CFAP298: variants seen among roughly 807,000 people sequenced by gnomAD.
CFAP298 encodes cilia and flagella associated protein 298.
A neutral mutation model predicts 41.0 loss-of-function variants in CFAP298; 38 were observed. The observed-to-expected ratio is 0.93, with a 90% CI of 0.72 to 1.22. CFAP298 has a LOEUF of 1.22. CFAP298 is among the 50% of genes most tolerant of loss of function. The pLI, the probability that CFAP298 is intolerant of heterozygous loss-of-function variation, is 0.00. For missense variants in CFAP298, 348 were observed against 360.3 expected, an observed-to-expected ratio of 0.97 and a Z score of 0.28; for synonymous variants, 137 against 135.3, an observed-to-expected ratio of 1.01 and a Z score of -0.09.
chr21:32,599,834 T>C lies in CFAP298; in HGVS notation c.*2029A>G, dbSNP rs2038707239. Among the ~76,000 whole-genome samples the C allele has an allele frequency of 6.6e-6, 1 of 152,208 alleles. No homozygotes were observed. Among genetic ancestry groups the C allele is most frequent in the Admixed American group, 6.5e-5 (1 of 15,278 alleles). On this transcript the variant is annotated 3_prime_UTR_variant, in exon 7 of 7. Transcript: ENST00000290155. The stretch of plus-strand genomic sequence containing the variant: ...AAACACACCAAGCTCAGAGAGGCTT[T>C]TGAGGCAGACAAGGGCAGGGAGAGA...
chr21:32,603,327 T>C, intron 4 of CFAP298, 35 bp from the exon 5 acceptor site: 1 of 1,611,614 alleles, frequency 6.2e-7, no homozygotes, highest in Non-Finnish European at 8.5e-7. Context: ...TGACTGTGTG[T>C]TCCCACCCAG....
chr21:32,612,309 G>A lies in CFAP298; in HGVS notation c.-66C>T, dbSNP rs2039022315. 4.8e-6 allele frequency: 7 copies of A among 1,472,400 alleles called. No homozygotes were observed. In the East Asian group the frequency reaches 1.0e-4, roughly 22 times the overall value. 91.2% of individuals were successfully genotyped at this position (1,472,400 alleles called of 1,614,324 possible). ...GCTGCGTGGCCCGCGGGTCCTGCCG[G>A]CCGAGGGTCGCCGGATCGCCAGCAG... On this transcript the variant is annotated 5_prime_UTR_variant, in exon 1 of 7. Transcript: ENST00000290155.
Position 32,604,237 on chromosome 21 carries a change from T to G in CFAP298, c.422A>C (p.Asp141Ala). The G allele has an allele frequency of 1.2e-6, 2 of 1,614,112 alleles. No individual in the cohort carries two copies. The highest frequency in any genetic ancestry group is 1.7e-6 in the Non-Finnish European group (2 of 1,180,014). The change falls in exon 4 of 7, where the codon GAT (aspartate) becomes GCT (alanine). Residue 141 changes from aspartate to alanine, a missense_variant. Coordinates refer to ENST00000290155, the MANE Select transcript of CFAP298 (RefSeq NM_021254.4). ...GVCVTMEMVKDALDQLRGAVM... is the reference protein window; with the variant it reads ...GVCVTMEMVKAALDQLRGAVM... ...CGCGCCTCGAAGCTGGTCCAAGGCATCTTTCACCATCTCCATGGTAACACA... is the reference window on the plus strand; with the variant it reads ...CGCGCCTCGAAGCTGGTCCAAGGCAGCTTTCACCATCTCCATGGTAACACA...
intron 2 of CFAP298, 23 bp downstream of exon 2, chr21:32,609,815 A>G (rs772349902): frequency 6.2e-7 from 1 of 1,606,130 alleles, no homozygotes; most frequent in South Asian, 1.1e-5. Context: ...AAGCATGCAC[A>G]TAGAAGAGAA....
intron 1 of CFAP298, 62 bp downstream of exon 1, chr21:32,612,041 CCT>C: frequency 6.8e-7 from 1 of 1,467,396 alleles, no homozygotes; most frequent in Non-Finnish European, 9.0e-7. Flanking sequence ...CCACCCTGCC[CCT>C]CTTTCTCCAT....
chr21:32,607,611 ACCCAACAAGTTTTAGTGCATCATTT>A lies in CFAP298; in HGVS notation c.375+13_375+37del. 7.8e-7 allele frequency: 1 copy of A among 1,285,444 alleles called. No homozygotes were observed. The allele number at this position is 1,285,444 out of a possible 1,614,324, so 79.6% of individuals were successfully genotyped here. A position where few individuals can be genotyped will look rare whatever the true frequency, so the allele number is the denominator to read the frequency against. On this transcript the variant is annotated intron_variant, in intron 3 of 6. Coordinates refer to ENST00000290155, the MANE Select transcript of CFAP298 (RefSeq NM_021254.4). ...TCCATCTCCAAAAAAAAAAAAAAAA[ACCCAACAAGTTTTAGTGCATCATTT>A]AAAAAAGCCAACCTTAGATATTATT...
Position 32,602,298 on chromosome 21 carries a change from A to T in CFAP298, c.736T>A (p.Tyr246Asn). ...TTGAGCTCCTCTTGTCTTCTGTGAT[A>T]GTACAGCATCAGCTGCTTCTGCTCC... ...SEEQKQLMLY[Y>N]HRRQEELKRL... The change falls in exon 6 of 7, where the codon TAT becomes AAT. Residue 246 changes from tyrosine to asparagine, a missense_variant. Transcript: ENST00000290155. The T allele has an allele frequency of 6.2e-7, 1 of 1,614,096 alleles. No homozygotes were observed. The highest frequency in any genetic ancestry group is 8.5e-7 in the Non-Finnish European group (1 of 1,180,036).
Position 32,612,303 on chromosome 21 carries a change from C to T in CFAP298, c.-60G>A. 1 of 1,496,798 alleles carries T rather than the reference C, an allele frequency of 6.7e-7. No individual in the cohort carries two copies. Among genetic ancestry groups the T allele is most frequent in the Non-Finnish European group, 8.9e-7 (1 of 1,122,798 alleles). 92.7% of individuals were successfully genotyped at this position (1,496,798 alleles called of 1,614,324 possible). A position where few individuals can be genotyped will look rare whatever the true frequency, so the allele number is the denominator to read the frequency against. ...GCCCCGGCTGCGTGGCCCGCGGGTCCTGCCGGCCGAGGGTCGCCGGATCGC... is the reference window on the plus strand; with the variant it reads ...GCCCCGGCTGCGTGGCCCGCGGGTCTTGCCGGCCGAGGGTCGCCGGATCGC... On this transcript the variant is annotated 5_prime_UTR_variant, in exon 1 of 7. Transcript: ENST00000290155.
Position 32,603,255 on chromosome 21 carries a change from A to T in CFAP298, c.572T>A (p.Leu191Gln). 1 of 1,613,926 alleles carries T rather than the reference A, an allele frequency of 6.2e-7. No individual in the cohort carries two copies. Among genetic ancestry groups the T allele is most frequent in the Non-Finnish European group, 8.5e-7 (1 of 1,179,818 alleles). Residue 191 changes from leucine to glutamine, a missense_variant, in exon 5 of 7, where the codon CTG becomes CAG. By Grantham distance (113) the Leu-to-Gln change is moderately radical. Coordinates refer to ENST00000290155, the MANE Select transcript of CFAP298 (RefSeq NM_021254.4). ...LNVIKEAEAQLWWAAKELRRT... is the reference protein window; with the variant it reads ...LNVIKEAEAQQWWAAKELRRT... The stretch of plus-strand genomic sequence containing the variant: ...TCTCAGCTCCTTGGCTGCCCACCAC[A>T]GCTGCGCCTCTGCCTCTTTAATGAC...
chr21:32,610,174 G>C (rs926318349), intron 1 of CFAP298, among the ~76,000 whole-genome samples, 169 bp from the exon 2 acceptor site: 1 of 151,642 alleles, frequency 6.6e-6, no homozygotes, highest in African/African-American at 2.4e-5. Context: ...TGACACGGGG[G>C]CATGGTACTG....
Position 32,609,940 on chromosome 21 carries a change from G to C in CFAP298, c.205C>G (p.Gln69Glu). The C allele has an allele frequency of 6.2e-7, 1 of 1,613,892 alleles. No individual in the cohort carries two copies. Among genetic ancestry groups the C allele is most frequent in the Non-Finnish European group, 8.5e-7 (1 of 1,179,840 alleles). Residue 69 changes from glutamine (Q) to glutamate (E), a missense_variant, in exon 2 of 7, where the codon CAG becomes GAG. Transcript: ENST00000290155. ...PPNMQGLTDD[Q>E]IEELKLKDEW... ...TCCTTCAATTTCAATTCTTCAATCT[G>C]ATCATCGGTCAGTCCTTGCATATTA...
intron 3 of CFAP298, among the ~76,000 whole-genome samples, chr21:32,605,922 G>A (rs1006376108): frequency 6.6e-6 from 1 of 152,184 alleles, no homozygotes; most frequent in Non-Finnish European, 1.5e-5. Flanking sequence ...AATGCAAAAG[G>A]CTACAGGAGA....
At chr21:32,604,556 G>C (rs2038825415) in intron 3 of CFAP298, 1 of 410,554 alleles carries the variant, frequency 2.4e-6, no homozygotes, top group Non-Finnish European at 4.5e-6. Context: ...TGGCAGCACA[G>C]ATGGCAGTGA....
At chr21:32,608,514 G>A (rs1325870950) in intron 2 of CFAP298, among the ~76,000 whole-genome samples, 2 of 151,772 alleles carry the variant, frequency 1.3e-5, no homozygotes, top group Admixed American at 6.6e-5. Context: ...AAAATTAGCC[G>A]GGCATGGTAG....
At chr21:32,603,318 G>C (rs765027139) in intron 4 of CFAP298, 26 bp from the exon 5 acceptor site, 14 of 1,613,004 alleles carry the variant, frequency 8.7e-6, no homozygotes, top group Middle Eastern at 1.6e-4. Context: ...AGAATGGCTT[G>C]ACTGTGTGTT....
At chr21:32,602,413 G>A in intron 5 of CFAP298, 46 bp from the exon 6 acceptor site, 1 of 1,585,814 alleles carries the variant, frequency 6.3e-7, no homozygotes, top group Non-Finnish European at 8.5e-7. Context: ...GGTGTTCTTA[G>A]AGTGACAATC....
chr21:32,602,178 C>T (rs1219667074), intron 6 of CFAP298, 94 bp downstream of exon 6: 1 of 1,264,440 alleles, frequency 7.9e-7, no homozygotes, highest in East Asian at 2.3e-5. Context: ...CCCCGGCATT[C>T]TGCAGAGCTC....
chr21:32,608,224 CAAAAAAAAAAA>C (rs751998741), intron 2 of CFAP298, among the ~76,000 whole-genome samples: 1 of 93,948 alleles, frequency 1.1e-5, no homozygotes, highest in Non-Finnish European at 2.1e-5. Context: ...GCTTAGAAGC[CAAAAAAAAAAA>C]AAAAAAAAAG....
At position 32,604,119 on chromosome 21, in the gene CFAP298, A is replaced by C; in HGVS notation, c.534+6T>G. 6.2e-7 allele frequency: 1 copy of C among 1,613,086 alleles called. No individual in the cohort carries two copies. The highest frequency in any genetic ancestry group is 2.2e-5 in the East Asian group (1 of 44,858). On this transcript the variant is annotated splice_donor_region_variant and intron_variant, in intron 4 of 6. Coordinates refer to ENST00000290155, the MANE Select transcript of CFAP298 (RefSeq NM_021254.4). ...CCTCCAGAGTACCCACTCACAAACTACGTACCTGTGTTCCCGACAAGTCTT... is the reference window on the plus strand; with the variant it reads ...CCTCCAGAGTACCCACTCACAAACTCCGTACCTGTGTTCCCGACAAGTCTT...
Sources: gnomAD v4.1 joint callset for allele counts (sites outside exome capture counted in the v4.1 genomes callset) on GRCh38, gnomAD v4.1.1 for gene constraint, MANE v1.5 for transcripts, NCBI Gene and HGNC (gene_info 2026-07-23, HGNC 2026-07-21) for gene names.